The following RABGAP1L variants were observed in gnomAD, a reference collection of about 807,000 sequenced individuals.
RABGAP1L encodes RAB GTPase activating protein 1 like, also known as rab GTPase-activating protein 1-like.
RABGAP1L carries 63 observed loss-of-function variants against 137.7 expected under a neutral mutation model. That is an observed-to-expected ratio of 0.46 (90% confidence interval 0.37 to 0.56). The LOEUF is 0.56. RABGAP1L is among the 20% of genes least tolerant of loss of function. RABGAP1L has a pLI of 0.00. For synonymous variants in RABGAP1L, 431 were observed against 433.7 expected, an observed-to-expected ratio of 0.99 and a Z score of 0.08; for missense variants, 1,095 against 1,244.0, an observed-to-expected ratio of 0.88 and a Z score of 1.80.
chr1:174,574,635 TG>T (rs1411022898), intron 13 of RABGAP1L, among the ~76,000 whole-genome samples: 9 of 151,604 alleles, frequency 5.9e-5, no homozygotes, highest in Admixed American at 3.9e-4. Flanking sequence ...TAAAATGGCA[TG>T]TTTTTTTAAC....
intron 19 of RABGAP1L, among the ~76,000 whole-genome samples, chr1:174,828,172 C>T (rs1286555027): frequency 9.5e-5 from 14 of 148,074 alleles, no homozygotes; most frequent in South Asian, 2.2e-4. Context: ...ATAGTAGGAT[C>T]TTCTTAGAGC....
chr1:174,340,813 G>T (rs1483355957), intron 11 of RABGAP1L, among the ~76,000 whole-genome samples: 1 of 152,154 alleles, frequency 6.6e-6, no homozygotes, highest in Non-Finnish European at 1.5e-5. Flanking sequence ...GAGTCACATG[G>T]TATTTCTTCT....
chr1:174,581,711 A>C (rs1030327445), intron 13 of RABGAP1L, among the ~76,000 whole-genome samples: 1 of 152,226 alleles, frequency 6.6e-6, no homozygotes, highest in African/African-American at 2.4e-5. Flanking sequence ...TTTTATCTTA[A>C]TAAATTTATT....
At chr1:174,699,478 G>A (rs1421022804) in intron 15 of RABGAP1L, 47 bp from the exon 16 acceptor site, 7 of 1,552,376 alleles carry the variant, frequency 4.5e-6, no homozygotes, top group Middle Eastern at 1.7e-4. Flanking sequence ...TGACATTCTG[G>A]CAAAATGCCA....
chr1:174,873,589 C>T (rs985320267), intron 19 of RABGAP1L, among the ~76,000 whole-genome samples: 1 of 150,644 alleles, frequency 6.6e-6, no homozygotes, highest in African/African-American at 2.5e-5. Context: ...TCTTGGCTCA[C>T]TGCAACCCCT....
chr1:174,851,148 G>C (rs543668141), intron 19 of RABGAP1L, among the ~76,000 whole-genome samples: 1 of 152,338 alleles, frequency 6.6e-6, no homozygotes, highest in Admixed American at 6.5e-5. Context: ...ATGGGGATGT[G>C]AGATAATAAA....
chr1:174,426,678 T>G (rs1255675360), intron 13 of RABGAP1L, among the ~76,000 whole-genome samples: 1 of 152,142 alleles, frequency 6.6e-6, no homozygotes, highest in Non-Finnish European at 1.5e-5. Context: ...GAGTAAATGT[T>G]GACTGTAAGT....
chr1:174,281,598 A>C (rs1675562346), intron 10 of RABGAP1L, among the ~76,000 whole-genome samples: 1 of 152,202 alleles, frequency 6.6e-6, no homozygotes, highest in African/African-American at 2.4e-5. Flanking sequence ...TGTAAGTGGG[A>C]AACACCAAGT....
At chr1:174,503,504 A>C (rs1181912675) in intron 13 of RABGAP1L, among the ~76,000 whole-genome samples, 1 of 151,948 alleles carries the variant, frequency 6.6e-6, no homozygotes, top group Admixed American at 6.6e-5. Context: ...TACTAAAAAT[A>C]CAAAAAATTA....
chr1:174,557,855 A>G (rs1666976794), intron 13 of RABGAP1L, among the ~76,000 whole-genome samples: 1 of 152,236 alleles, frequency 6.6e-6, no homozygotes, highest in Non-Finnish European at 1.5e-5. Flanking sequence ...GAGAAAGATG[A>G]TGCGGCCATG....
intron 18 of RABGAP1L, among the ~76,000 whole-genome samples, chr1:174,765,267 G>A (rs566838650): frequency 1.6e-4 from 24 of 152,224 alleles, no homozygotes; most frequent in African/African-American, 5.1e-4. Flanking sequence ...TCCTGATGTG[G>A]GACATCTTTT....
At chr1:174,877,776 A>G (rs1573624501) in intron 19 of RABGAP1L, among the ~76,000 whole-genome samples, 1 of 152,360 alleles carries the variant, frequency 6.6e-6, no homozygotes, top group Non-Finnish European at 1.5e-5. Flanking sequence ...CACACTTAAA[A>G]TGTTAGGCTG....
chr1:174,988,573 A>C (rs1671809126), intron 24 of RABGAP1L, 68 bp from the exon 25 acceptor site: 2 of 1,311,886 alleles, frequency 1.5e-6, no homozygotes, highest in Non-Finnish European at 2.0e-6. Flanking sequence ...AAAAGTCATA[A>C]ATTGTTTCAG....
At position 174,761,290 on chromosome 1, in the gene RABGAP1L, A is replaced by T. The variant is rs1226686942; in HGVS notation, c.2211+8936A>T. 1.3e-5 allele frequency among the ~76,000 whole-genome samples: 2 copies of T among 152,242 alleles called. No homozygotes were observed. Among genetic ancestry groups the T allele is most frequent in the Non-Finnish European group, 2.9e-5 (2 of 68,036 alleles). On this transcript the variant is annotated intron_variant, in intron 18 of 25. Coordinates refer to ENST00000681986, the MANE Select transcript of RABGAP1L (RefSeq NM_001366446.1). This position sits in a 1 kb window ranked among gnomAD's most constrained non-coding sequence, Gnocchi z 4.0. ...ATGCAAACTTGAGGAGGCCAGAAAG[A>T]TCACACACAAGACTGCCACTTCACA...
intron 19 of RABGAP1L, among the ~76,000 whole-genome samples, chr1:174,875,133 C>T (rs1282583877): frequency 6.6e-6 from 1 of 152,114 alleles, no homozygotes; most frequent in African/African-American, 2.4e-5. Context: ...ATCTAAGAAC[C>T]TGTGTAGAAT....
At chr1:174,278,435 A>G (rs952575270) in intron 9 of RABGAP1L, among the ~76,000 whole-genome samples, 178 bp from the exon 10 acceptor site, 1 of 152,238 alleles carries the variant, frequency 6.6e-6, no homozygotes, top group African/African-American at 2.4e-5. Context: ...TTCCTAAGAA[A>G]CATGCTTGGA....
At chr1:174,341,709 TAA>T (rs1458198551) in intron 11 of RABGAP1L, among the ~76,000 whole-genome samples, 1 of 152,176 alleles carries the variant, frequency 6.6e-6, no homozygotes, top group Admixed American at 6.5e-5. Context: ...TTTAAGCTAT[TAA>T]AAAATTTCAT....
At chr1:174,174,649 T>C (rs1665689572) in intron 1 of RABGAP1L, among the ~76,000 whole-genome samples, 1 of 152,202 alleles carries the variant, frequency 6.6e-6, no homozygotes, top group African/African-American at 2.4e-5. Context: ...GGCTGAAGGC[T>C]GAAAAACTAG....
At chr1:174,945,960 G>T (rs1185643544) in intron 19 of RABGAP1L, 1 of 151,614 alleles carries the variant, frequency 6.6e-6, no homozygotes, top group Admixed American at 6.6e-5. Flanking sequence ...GGAATTTTAA[G>T]CAGGCTTCTC....
Sources: allele counts gnomAD v4.1 joint callset (sites outside exome capture counted in the v4.1 genomes callset), GRCh38; gene constraint gnomAD v4.1.1; non-coding constraint Gnocchi (gnomAD v3.1); transcripts MANE v1.5; gene names NCBI Gene and HGNC (gene_info 2026-07-23, HGNC 2026-07-21).